SUMF1: variants seen among roughly 807,000 people sequenced by gnomAD.
SUMF1 encodes sulfatase modifying factor 1.
SUMF1 carries 48 observed loss-of-function variants against 47.6 expected under a neutral mutation model. The ratio of observed to expected loss-of-function variants is 1.01; its 90% confidence interval spans 0.80 to 1.28. The LOEUF (loss-of-function observed/expected upper bound fraction) is 1.28, where lower values mean the gene tolerates loss of function less well. Ranked by LOEUF, SUMF1 falls within the 50% of genes most tolerant of loss-of-function variation. The pLI is 0.00. For synonymous variants in SUMF1, 230 were observed against 192.1 expected, an observed-to-expected ratio of 1.20 and a Z score of -1.63; for missense variants, 571 against 485.4, an observed-to-expected ratio of 1.18 and a Z score of -1.66.
intron 3 of SUMF1, among the ~76,000 whole-genome samples, chr3:4,436,862 A>C (rs1702418587): frequency 1.0e-5 from 1 of 99,360 alleles, no homozygotes; most frequent in African/African-American, 2.8e-5. Context: ...AAAAAAAAAA[A>C]AATACAAAAA....
chr3:4,250,239 T>G (rs1189389293), intron 8 of SUMF1, among the ~76,000 whole-genome samples: 86 of 96,118 alleles, frequency 8.9e-4, no homozygotes, highest in Admixed American at 1.5e-3. Context: ...AGGGAGAGGG[T>G]GAGGGAGAGG....
At chr3:4,233,508 G>A (rs891577255) in intron 8 of SUMF1, among the ~76,000 whole-genome samples, 3 of 152,032 alleles carry the variant, frequency 2.0e-5, no homozygotes, top group Non-Finnish European at 4.4e-5. Context: ...TATAAAATAA[G>A]TACCAAGCTA....
intron 7 of SUMF1, among the ~76,000 whole-genome samples, chr3:4,396,074 A>T (rs1189759194): frequency 6.6e-6 from 1 of 152,198 alleles, no homozygotes; most frequent in Non-Finnish European, 1.5e-5. Flanking sequence ...GCACAGATAT[A>T]AACCAGGAAT....
chr3:4,120,248 T>C (rs1426630787), intron 8 of SUMF1, among the ~76,000 whole-genome samples: 1 of 151,898 alleles, frequency 6.6e-6, no homozygotes, highest in Non-Finnish European at 1.5e-5. Flanking sequence ...TTCATATTCG[T>C]ATGCTCAGTG....
intron 8 of SUMF1, among the ~76,000 whole-genome samples, chr3:4,259,444 C>T (rs1697037603): frequency 6.6e-6 from 1 of 152,104 alleles, no homozygotes; most frequent in Non-Finnish European, 1.5e-5. Flanking sequence ...TATGATCATT[C>T]AACATAGTAT....
chr3:4,316,908 C>A (rs372022724), intron 8 of SUMF1: 1 of 1,549,414 alleles, frequency 6.5e-7, no homozygotes. Flanking sequence ...ACTGCAACGC[C>A]TGCAGCTGGC....
chr3:4,314,593 T>C (rs1372527587), intron 8 of SUMF1, among the ~76,000 whole-genome samples: 1 of 152,164 alleles, frequency 6.6e-6, no homozygotes, highest in Admixed American at 6.5e-5. Flanking sequence ...TATACTTGGC[T>C]GTACTCCAAA....
intron 8 of SUMF1, among the ~76,000 whole-genome samples, chr3:4,198,908 G>T (rs1574971253): frequency 6.6e-6 from 1 of 152,010 alleles, no homozygotes; most frequent in South Asian, 2.1e-4. Flanking sequence ...ATAAGAAAAA[G>T]AAATAATCAT....
In SUMF1 at chr3:4,163,376, AAGGAAGGGAGGGAGGGAGGGAGGG is replaced by A. The variant is rs1447710939; in HGVS notation, c.1015-94655_1015-94632del. On this transcript the variant is annotated intron_variant and NMD_transcript_variant, in intron 8 of 12. Coordinates refer to the SUMF1 transcript ENST00000448413. The stretch of plus-strand genomic sequence containing the variant: ...AGAGAGAGAGAGAAAGGAAGGAAGG[AAGGAAGGGAGGGAGGGAGGGAGGG>A]AGGGAGGGAGGGAGGGAGGGAGGGA... 1.2e-3 allele frequency among the ~76,000 whole-genome samples: 14 copies of A among 11,338 alleles called. No individual in the cohort carries two copies. The East Asian group carries it at 0.016, about 13-fold the overall frequency. 7.4% of individuals were successfully genotyped at this position (11,338 alleles called of 152,430 possible).
chr3:4,174,084 C>T (rs1004460580), intron 8 of SUMF1, among the ~76,000 whole-genome samples: 10 of 151,948 alleles, frequency 6.6e-5, no homozygotes, highest in Admixed American at 1.3e-4. Context: ...AGGCCAGGCA[C>T]GGTGGCTCAC....
chr3:4,316,635 C>T (rs116183656), intron 8 of SUMF1: 63 of 1,551,190 alleles, frequency 4.1e-5, no homozygotes, highest in Non-Finnish European at 4.8e-5. Flanking sequence ...TCTTATTCTA[C>T]GCAACCACAA....
chr3:4,218,794 C>G (rs774628921), intron 8 of SUMF1, among the ~76,000 whole-genome samples: 10 of 152,124 alleles, frequency 6.6e-5, no homozygotes, highest in Non-Finnish European at 1.5e-4. Flanking sequence ...ACATTTTGTA[C>G]ATATTTCATG....
At chr3:4,375,179 G>T (rs1700289441) in intron 8 of SUMF1, among the ~76,000 whole-genome samples, 2 of 148,706 alleles carry the variant, frequency 1.3e-5, no homozygotes, top group Non-Finnish European at 3.0e-5. Context: ...AAAATAAATT[G>T]GTCTACATCT....
chr3:4,041,163 C>T (rs1382595301), intron 9 of SUMF1, among the ~76,000 whole-genome samples: 2 of 152,212 alleles, frequency 1.3e-5, no homozygotes, highest in African/African-American at 4.8e-5. Flanking sequence ...ACCTCCGCCT[C>T]CGGAGTTCAA....
At chr3:4,426,458 G>A (rs541115856) in intron 3 of SUMF1, among the ~76,000 whole-genome samples, 5 of 152,274 alleles carry the variant, frequency 3.3e-5, no homozygotes, top group African/African-American at 7.2e-5. Context: ...CTCACTAGAC[G>A]TTTTCCTTTT....
chr3:4,151,634 G>A (rs768471680), intron 8 of SUMF1, among the ~76,000 whole-genome samples: 2 of 146,662 alleles, frequency 1.4e-5, no homozygotes, highest in Non-Finnish European at 3.0e-5. Flanking sequence ...GGCTTCCCTG[G>A]ACCACACTGG....
intron 8 of SUMF1, among the ~76,000 whole-genome samples, chr3:4,166,494 T>C (rs1574943532): frequency 1.3e-5 from 2 of 152,156 alleles, no homozygotes; most frequent in African/African-American, 4.8e-5. Context: ...ATCTTTCTAA[T>C]TGGTGATCCC....
rs951276782 is a variant in SUMF1, at chr3:4,116,746, G to T, written c.1015-48001C>A. 2.0e-5 allele frequency among the ~76,000 whole-genome samples: 3 copies of T among 152,072 alleles called. No homozygotes were observed. In the East Asian group the frequency reaches 5.8e-4, roughly 29 times the overall value. On this transcript the variant is annotated intron_variant and NMD_transcript_variant, in intron 8 of 12. Transcript: ENST00000448413. ...TGGTATCTTCAGTATAGGGTATCGTGCTGAAAATAAGTACTAAACAACTAT... is the reference window on the plus strand; with the variant it reads ...TGGTATCTTCAGTATAGGGTATCGTTCTGAAAATAAGTACTAAACAACTAT...
intron 8 of SUMF1, among the ~76,000 whole-genome samples, chr3:4,197,776 C>T (rs144902840): frequency 2.0e-4 from 31 of 152,214 alleles, no homozygotes; most frequent in African/African-American, 7.2e-4. Context: ...GCAGATTACA[C>T]TCTTCAGAAA....
Sources: gnomAD v4.1 joint callset for allele counts (sites outside exome capture counted in the v4.1 genomes callset) on GRCh38, gnomAD v4.1.1 for gene constraint, MANE v1.5 for transcripts, NCBI Gene and HGNC (gene_info 2026-07-23, HGNC 2026-07-21) for gene names.